Variants in ANKRD10 observed in about 807,000 individuals in gnomAD.
The protein encoded by ANKRD10 is ankyrin repeat domain-containing protein 10.
In ANKRD10, 14 loss-of-function variants were observed where a neutral mutation model predicts 27.0. The ratio of observed to expected loss-of-function variants is 0.52; its 90% CI spans 0.34 to 0.81. The LOEUF (loss-of-function observed/expected upper bound fraction) is 0.81. Ranked by LOEUF, ANKRD10 falls within the 40% of genes least tolerant of loss-of-function variation. The pLI is 0.01. For synonymous variants in ANKRD10, 250 were observed against 224.5 expected (o/e 1.11, Z -1.01); for missense variants, 493 against 544.0 (o/e 0.91, Z 0.93).
At chr13:110,896,517 C>T (rs1053061217) in intron 3 of ANKRD10, among the ~76,000 whole-genome samples, 1 of 152,196 alleles carries the variant, frequency 6.6e-6, no homozygotes, top group African/African-American at 2.4e-5. Flanking sequence ...ACTATCCCTG[C>T]TCACATTAAA....
Position 110,910,686 on chromosome 13 carries a change from C to T in ANKRD10, c.295G>A (p.Ala99Thr). 1 of 1,614,184 alleles carries T rather than the reference C, an allele frequency of 6.2e-7. No homozygotes were observed. The highest frequency in any genetic ancestry group is 8.5e-7 in the Non-Finnish European group (1 of 1,180,040). Residue 99 changes from alanine to threonine, a missense_variant, in exon 2 of 6, where the codon GCA becomes ACA. Physicochemically the swap from Ala to Thr is moderately conservative, Grantham distance 58 (BLOSUM62 0). Coordinates refer to ENST00000267339, the MANE Select transcript of ANKRD10 (RefSeq NM_017664.4). ...CACTGAGGATGTCCCCCAAAGGCTG[C>T]AATGTGGGCTGGCGTCTGCGCGTAC... ...TRYAQTPAHI[A>T]AFGGHPQCLV...
chr13:110,892,415 G>GAAAAAAA (rs1381734881), intron 4 of ANKRD10, among the ~76,000 whole-genome samples: 1 of 2,588 alleles, frequency 3.9e-4, no homozygotes, highest in Admixed American at 5.4e-3. Context: ...GGGTGACAGA[G>GAAAAAAA]CAAAAAAAAA....
chr13:110,891,856 ACCT>A (rs1309171669), intron 4 of ANKRD10, among the ~76,000 whole-genome samples: 2 of 119,984 alleles, frequency 1.7e-5, no homozygotes, highest in South Asian at 2.8e-4. Flanking sequence ...TATCACATTT[ACCT>A]TCTTATTAAG....
chr13:110,894,605 T>C (rs951720396), intron 3 of ANKRD10: 2 of 153,066 alleles, frequency 1.3e-5, no homozygotes, highest in Admixed American at 1.3e-4. Flanking sequence ...ATAAGATAAA[T>C]GCATTACACC....
At chr13:110,890,177 A>C (rs924493633) in intron 4 of ANKRD10, among the ~76,000 whole-genome samples, 2 of 152,248 alleles carry the variant, frequency 1.3e-5, no homozygotes, top group East Asian at 3.8e-4. Flanking sequence ...CTAAAGCAAC[A>C]TATCTTTAAT....
intron 2 of ANKRD10, among the ~76,000 whole-genome samples, chr13:110,906,344 G>A (rs1163518394): frequency 6.6e-6 from 1 of 152,014 alleles, no homozygotes; most frequent in Non-Finnish European, 1.5e-5. Flanking sequence ...AAATATCTTG[G>A]GGCCTCTCCA....
At position 110,893,149 on chromosome 13, in the gene ANKRD10, G is replaced by A. The variant is rs2065128896; in HGVS notation, c.570C>T (p.Asn190=). Reference sequence around the variant, plus strand: ...GATGACCCCCATTTAAGATGCCATTGTTATAGAAATGGTTCAGATGACAAT... The same window carrying A: ...GATGACCCCCATTTAAGATGCCATTATTATAGAAATGGTTCAGATGACAAT... ...LQNCHLNHFY[N]NGILNGGHQN... Residue 190 remains asparagine (N), a synonymous_variant, in exon 4 of 6, where the codon AAC becomes AAT. Transcript: ENST00000267339. The A allele has an allele frequency of 6.2e-7, 1 of 1,614,032 alleles. No homozygotes were observed. Among genetic ancestry groups the A allele is most frequent in the African/African-American group, 1.3e-5 (1 of 74,898 alleles).
chr13:110,900,549 T>C, intron 3 of ANKRD10: 1 of 1,345,512 alleles, frequency 7.4e-7, no homozygotes, highest in Non-Finnish European at 9.8e-7. Flanking sequence ...ATGCCTCGTG[T>C]GCAGAAAGGA....
At chr13:110,901,412 A>G (rs1052464516) in intron 3 of ANKRD10, among the ~76,000 whole-genome samples, 2 of 152,268 alleles carry the variant, frequency 1.3e-5, no homozygotes, top group Non-Finnish European at 2.9e-5. Context: ...ATGTAAAACC[A>G]TCATTCCAGT....
intron 3 of ANKRD10, among the ~76,000 whole-genome samples, chr13:110,901,099 C>T (rs1464473635): frequency 6.6e-6 from 1 of 152,046 alleles, no homozygotes; most frequent in Non-Finnish European, 1.5e-5. Flanking sequence ...TAAGCAAATA[C>T]ATGGAATCAT....
At chr13:110,889,641 AG>A (rs1365987565) in intron 4 of ANKRD10, among the ~76,000 whole-genome samples, 1 of 152,236 alleles carries the variant, frequency 6.6e-6, no homozygotes, top group African/African-American at 2.4e-5. Flanking sequence ...GTTTACTAAA[AG>A]CAGACACTAC....
At chr13:110,883,341 TA>T in intron 5 of ANKRD10, 1 of 244,382 alleles carries the variant, frequency 4.1e-6, no homozygotes, top group Non-Finnish European at 6.8e-6. Context: ...CAAACCTCAT[TA>T]AAAATAAGCA....
At position 110,914,978 on chromosome 13, in the gene ANKRD10, C is replaced by A. The variant is rs994853960; in HGVS notation, c.-44G>T. On this transcript the variant is annotated 5_prime_UTR_variant, in exon 1 of 6. Coordinates refer to ENST00000267339, the MANE Select transcript of ANKRD10 (RefSeq NM_017664.4). ...GCGGGGCTCGCTGGCCTAGAGGACG[C>A]GTCGGGGAGGACTCGAGAAGCCGCC... The A allele has an allele frequency of 1.3e-6, 2 of 1,507,984 alleles. No homozygotes were observed. Among genetic ancestry groups the A allele is most frequent in the Non-Finnish European group, 1.8e-6 (2 of 1,133,014 alleles). The allele number at this position is 1,507,984 out of a possible 1,614,324, so 93.4% of individuals were successfully genotyped here.
At chr13:110,882,317 T>C (rs1266314273) in intron 5 of ANKRD10, among the ~76,000 whole-genome samples, 2 of 152,242 alleles carry the variant, frequency 1.3e-5, no homozygotes, top group Admixed American at 1.3e-4. Context: ...CTCAAAGGAC[T>C]GTGAAGGCAG....
chr13:110,881,133 C>T (rs1566444195), intron 5 of ANKRD10, among the ~76,000 whole-genome samples: 1 of 152,176 alleles, frequency 6.6e-6, no homozygotes, highest in Non-Finnish European at 1.5e-5. Flanking sequence ...CAGGAATTCA[C>T]GTAACAGTAT....
Position 110,914,959 on chromosome 13 carries a change from C to T in ANKRD10, c.-25G>A. On this transcript the variant is annotated 5_prime_UTR_variant, in exon 1 of 6. Transcript: ENST00000267339. ...TGGTCCGTCACCGGAGAGCGCGGGG[C>T]TCGCTGGCCTAGAGGACGCGTCGGG... The T allele has an allele frequency of 6.6e-7, 1 of 1,524,150 alleles. No individual in the cohort carries two copies. The highest frequency in any genetic ancestry group is 8.8e-7 in the Non-Finnish European group (1 of 1,141,200). The allele number at this position is 1,524,150 out of a possible 1,614,324, so 94.4% of individuals were successfully genotyped here. A position where few individuals can be genotyped will look rare whatever the true frequency, so the allele number is the denominator to read the frequency against.
chr13:110,890,760 C>T (rs561546020), intron 4 of ANKRD10, among the ~76,000 whole-genome samples: 2 of 151,996 alleles, frequency 1.3e-5, no homozygotes, highest in African/African-American at 4.8e-5. Flanking sequence ...AATTAGCACC[C>T]TCGGGCTTGG....
chr13:110,900,288 T>C (rs752944049), intron 3 of ANKRD10, among the ~76,000 whole-genome samples: 97 of 152,352 alleles, frequency 6.4e-4, no homozygotes, highest in Non-Finnish European at 1.2e-3. Flanking sequence ...GTATAATTTT[T>C]AGAATCCGAG....
intron 4 of ANKRD10, 181 bp downstream of exon 4, chr13:110,892,844 TTTG>T: frequency 7.3e-7 from 1 of 1,375,190 alleles, no homozygotes; most frequent in Non-Finnish European, 9.4e-7. Flanking sequence ...CACATTCCCT[TTTG>T]TTAAGTCCCA....
Sources: allele counts gnomAD v4.1 joint callset (sites outside exome capture counted in the v4.1 genomes callset), GRCh38; gene constraint gnomAD v4.1.1; transcripts MANE v1.5; gene names NCBI Gene and HGNC (gene_info 2026-07-23, HGNC 2026-07-21).